Variants in PLCB1 observed in about 807,000 individuals in gnomAD.
The protein encoded by PLCB1 is phospholipase C beta 1, also known as 1-phosphatidylinositol 4,5-bisphosphate phosphodiesterase beta-1.
PLCB1 carries 46 observed loss-of-function variants against 161.8 expected under a neutral mutation model. The ratio of observed to expected loss-of-function variants is 0.28; its 90% CI spans 0.22 to 0.36. The LOEUF is 0.36. Ranked by LOEUF, PLCB1 falls within the 10% of genes least tolerant of loss-of-function variation. The pLI is 1.00. For missense variants in PLCB1, 1,016 were observed against 1,472.5 expected, an observed-to-expected ratio of 0.69 and a Z score of 5.07; for synonymous variants, 517 against 503.7, an observed-to-expected ratio of 1.03 and a Z score of -0.35.
At chr20:8,186,350 G>A (rs548320770) in intron 2 of PLCB1, among the ~76,000 whole-genome samples, 116 of 152,180 alleles carry the variant, frequency 7.6e-4, no homozygotes, top group Non-Finnish European at 1.1e-3. Flanking sequence ...CTGAAGTTTT[G>A]TGTTTGTTTT....
intron 31 of PLCB1, among the ~76,000 whole-genome samples, chr20:8,857,729 C>T (rs6086654): frequency 0.28 from 42,971 of 152,164 alleles, 7,385 homozygotes; most frequent in East Asian, 0.65. Context: ...TTGATATTAA[C>T]GTCAGACTTC....
chr20:8,638,772 C>A (rs1209585225), intron 4 of PLCB1, among the ~76,000 whole-genome samples: 2 of 152,048 alleles, frequency 1.3e-5, no homozygotes, highest in Admixed American at 6.5e-5. Context: ...TGAATTATCC[C>A]AATTCTCTCA....
At chr20:8,423,343 A>G (rs935371813) in intron 3 of PLCB1, among the ~76,000 whole-genome samples, 1 of 152,180 alleles carries the variant, frequency 6.6e-6, no homozygotes, top group African/African-American at 2.4e-5. Flanking sequence ...AGTGAGTCCT[A>G]TGATATTAAT....
rs553711213 is a variant in PLCB1, at chr20:8,132,729, C to G, written c.78C>G (p.Thr26=). 6.2e-7 allele frequency: 1 copy of G among 1,611,958 alleles called. No homozygotes were observed. The highest frequency in any genetic ancestry group is 1.1e-5 in the South Asian group (1 of 90,992). Residue 26 remains threonine (T), a synonymous_variant, in exon 1 of 32, where the codon ACC becomes ACG. Transcript: ENST00000338037. The surrounding 1 kb of genome is among the most constrained non-coding windows in gnomAD (Gnocchi z 5.2). ...TGTCCGACAGCCTCAAGAAGGGCAC[C>G]AAATTCGTCAAGTGGGATGATGTAA... is the stretch of plus-strand genomic sequence containing the variant. ...VCVSDSLKKG[T]KFVKWDDDST... is the part of the protein sequence containing the mutation.
At position 8,132,484 on chromosome 20, in the gene PLCB1, G is replaced by A. The variant is rs548635433; in HGVS notation, c.-168G>A. 518 of 364,084 alleles carry A rather than the reference G, an allele frequency of 1.4e-3. No homozygotes were observed. The highest frequency in any genetic ancestry group is 2.1e-3 in the Non-Finnish European group (434 of 204,516). The allele number at this position is 364,084 out of a possible 1,614,324, so 22.6% of individuals were successfully genotyped here. A position where few individuals can be genotyped will look rare whatever the true frequency, so the allele number is the denominator to read the frequency against. ...CCCCGCGCGCTCTGCCTGCTGAGCG[G>A]CGCCGGAGGGAGGTGCGGAGGCCGG... On this transcript the variant is annotated 5_prime_UTR_variant, in exon 1 of 32. Transcript: ENST00000338037. The surrounding 1 kb of genome is among the most constrained non-coding windows in gnomAD (Gnocchi z 5.2).
chr20:8,592,396 T>C (rs1439285281), intron 3 of PLCB1, among the ~76,000 whole-genome samples: 1 of 152,208 alleles, frequency 6.6e-6, no homozygotes, highest in Non-Finnish European at 1.5e-5. Context: ...TTCAACAATA[T>C]CTTTACAGAG....
intron 3 of PLCB1, among the ~76,000 whole-genome samples, chr20:8,402,831 C>G (rs538988387): frequency 6.6e-6 from 1 of 151,954 alleles, no homozygotes; most frequent in Admixed American, 6.6e-5. Flanking sequence ...GGCAACAGAG[C>G]AAGACTCCAT....
At chr20:8,828,214 CA>C (rs1248917550) in intron 31 of PLCB1, among the ~76,000 whole-genome samples, 1 of 152,122 alleles carries the variant, frequency 6.6e-6, no homozygotes, top group Non-Finnish European at 1.5e-5. Flanking sequence ...AACATGTATC[CA>C]AAGGCTCCAT....
At chr20:8,655,703 G>A (rs1477986744) in intron 7 of PLCB1, among the ~76,000 whole-genome samples, 1 of 151,968 alleles carries the variant, frequency 6.6e-6, no homozygotes, top group African/African-American at 2.4e-5. Flanking sequence ...AGGGAAAATA[G>A]GAGAACACCC....
intron 3 of PLCB1, among the ~76,000 whole-genome samples, chr20:8,547,042 G>T (rs1372727458): frequency 6.6e-6 from 1 of 152,140 alleles, no homozygotes; most frequent in Non-Finnish European, 1.5e-5. Flanking sequence ...ATGGCCCACT[G>T]ATAAAAACAA....
intron 3 of PLCB1, among the ~76,000 whole-genome samples, chr20:8,375,716 C>T (rs368316323): frequency 1.7e-4 from 26 of 152,096 alleles, no homozygotes; most frequent in African/African-American, 6.3e-4. Flanking sequence ...CATTAACAGG[C>T]GTAAGGAAGT....
chr20:8,660,377 A>G (rs187602503), intron 9 of PLCB1, among the ~76,000 whole-genome samples: 50 of 152,262 alleles, frequency 3.3e-4, no homozygotes, highest in Admixed American at 8.5e-4. Flanking sequence ...TCCAAAAATA[A>G]CGAACACATT....
intron 3 of PLCB1, among the ~76,000 whole-genome samples, chr20:8,626,044 G>A (rs2123210501): frequency 6.6e-6 from 1 of 151,976 alleles, no homozygotes; most frequent in Admixed American, 6.6e-5. Context: ...CGGGCGTGGT[G>A]GCACACCCCT....
At chr20:8,838,519 C>T (rs1394737153) in intron 31 of PLCB1, among the ~76,000 whole-genome samples, 3 of 152,200 alleles carry the variant, frequency 2.0e-5, no homozygotes, top group African/African-American at 4.8e-5. Flanking sequence ...GAAATGTATA[C>T]TTGGAATAGA....
At chr20:8,547,535 C>T (rs1220188212) in intron 3 of PLCB1, among the ~76,000 whole-genome samples, 1 of 148,614 alleles carries the variant, frequency 6.7e-6, no homozygotes, top group East Asian at 1.9e-4. Context: ...CTCCCTCTTC[C>T]TCATTGCCCA....
intron 3 of PLCB1, among the ~76,000 whole-genome samples, chr20:8,432,452 C>T (rs1257581975): frequency 6.6e-6 from 1 of 152,160 alleles, no homozygotes. Context: ...TCTATCCGAG[C>T]CCCACCCTTA....
At chr20:8,722,026 A>T (rs1392407393) in intron 14 of PLCB1, among the ~76,000 whole-genome samples, 4 of 152,190 alleles carry the variant, frequency 2.6e-5, no homozygotes, top group Non-Finnish European at 5.9e-5. Flanking sequence ...TACCATAGAA[A>T]GCAAACTGTA....
At chr20:8,628,491 A>T (rs1214015898) in intron 4 of PLCB1, 60 bp downstream of exon 4, 1 of 1,552,596 alleles carries the variant, frequency 6.4e-7, no homozygotes, top group Admixed American at 1.8e-5. Flanking sequence ...GAGCTATCAT[A>T]CTAATGCCTG....
At chr20:8,487,959 G>A (rs573728268) in intron 3 of PLCB1, among the ~76,000 whole-genome samples, 1 of 152,264 alleles carries the variant, frequency 6.6e-6, no homozygotes, top group South Asian at 2.1e-4. Context: ...CAGCTCCCTT[G>A]CCTCTAGGTG....
Sources: gnomAD v4.1 joint callset for allele counts (sites outside exome capture counted in the v4.1 genomes callset) on GRCh38, gnomAD v4.1.1 for gene constraint, Gnocchi (gnomAD v3.1) non-coding constraint, MANE v1.5 for transcripts, NCBI Gene and HGNC (gene_info 2026-07-23, HGNC 2026-07-21) for gene names.